The following USP32 variants were observed in gnomAD, a reference collection of about 807,000 sequenced individuals.
USP32 encodes ubiquitin specific peptidase 32.
In USP32, 59 loss-of-function variants were observed where a neutral mutation model predicts 204.8. The observed-to-expected ratio is 0.29, with a 90% CI of 0.23 to 0.36. USP32 has a LOEUF of 0.36. Ranked by LOEUF, USP32 falls within the 10% of genes least tolerant of loss-of-function variation. USP32 has a pLI of 1.00. For synonymous variants in USP32, 517 were observed against 678.4 expected, an observed-to-expected ratio of 0.76 and a Z score of 3.70; for missense variants, 1,160 against 1,946.4, an observed-to-expected ratio of 0.60 and a Z score of 7.60.
At chr17:60,335,965 A>G (rs2088506768) in intron 2 of USP32, among the ~76,000 whole-genome samples, 1 of 143,128 alleles carries the variant, frequency 7.0e-6, no homozygotes, top group African/African-American at 3.0e-5. Flanking sequence ...TTTCTCATAA[A>G]GACTCACTTG....
intron 1 of USP32, among the ~76,000 whole-genome samples, chr17:60,418,186 G>A (rs57552871): frequency 0.021 from 3,214 of 151,968 alleles, 132 homozygotes; most frequent in African/African-American, 0.073. Context: ...TCAAACTCCC[G>A]ACCTCAGGTG....
chr17:60,377,466 CTAGGCCCT>C (rs1168329597), intron 1 of USP32, among the ~76,000 whole-genome samples: 1 of 152,144 alleles, frequency 6.6e-6, no homozygotes, highest in East Asian at 1.9e-4. Flanking sequence ...CAAATAAACC[CTAGGCCCT>C]TACAGCAATT....
At chr17:60,417,958 CT>C (rs770082982) in intron 1 of USP32, among the ~76,000 whole-genome samples, 1,488 of 112,740 alleles carry the variant, frequency 0.013, 11 homozygotes, top group Non-Finnish European at 0.017. Context: ...TCCGGCTAAT[CT>C]TTTTTTTTTT....
intron 1 of USP32, among the ~76,000 whole-genome samples, chr17:60,362,040 G>A (rs1218306054): frequency 6.6e-6 from 1 of 152,126 alleles, no homozygotes; most frequent in Non-Finnish European, 1.5e-5. Flanking sequence ...GGTTAGTACA[G>A]ACTGTAGAAT....
In USP32 at chr17:60,177,498, C is replaced by T. The variant is rs1270628462; in HGVS notation, c.*1757G>A. ...ATGAATTAAAAAAATTAATTACAAC[C>T]AGTATAACAAACACAGATCAAACAA... On this transcript the variant is annotated 3_prime_UTR_variant, in exon 34 of 34. Coordinates refer to ENST00000300896, the MANE Select transcript of USP32 (RefSeq NM_032582.4). 2.0e-5 allele frequency among the ~76,000 whole-genome samples: 3 copies of T among 152,106 alleles called. No individual in the cohort carries two copies. The highest frequency in any genetic ancestry group is 7.2e-5 in the African/African-American group (3 of 41,410).
At chr17:60,244,562 G>A (rs1284003935) in intron 11 of USP32, among the ~76,000 whole-genome samples, 1 of 152,012 alleles carries the variant, frequency 6.6e-6, no homozygotes, top group African/African-American at 2.4e-5. Flanking sequence ...AACTATTTTG[G>A]GGGATCATTT....
At chr17:60,356,202 C>T (rs577444556) in intron 1 of USP32, among the ~76,000 whole-genome samples, 2 of 152,240 alleles carry the variant, frequency 1.3e-5, no homozygotes, top group East Asian at 3.9e-4. Flanking sequence ...TCAGTGGCAA[C>T]TATATAACTT....
chr17:60,220,720 C>T (rs551712113), intron 15 of USP32, among the ~76,000 whole-genome samples: 3 of 151,942 alleles, frequency 2.0e-5, no homozygotes, highest in African/African-American at 4.8e-5. Flanking sequence ...CTCGGCTCAC[C>T]GCAAGCTCTG....
intron 2 of USP32, among the ~76,000 whole-genome samples, chr17:60,304,626 A>C (rs2087677056): frequency 6.6e-6 from 1 of 152,238 alleles, no homozygotes; most frequent in African/African-American, 2.4e-5. Flanking sequence ...AAAGTAAAAC[A>C]CGTAACAATA....
intron 1 of USP32, among the ~76,000 whole-genome samples, chr17:60,373,259 C>T (rs928163977): frequency 1.1e-4 from 16 of 152,032 alleles, no homozygotes; most frequent in Non-Finnish European, 1.8e-4. Context: ...ATGAATAGAG[C>T]TTGCAGGATG....
intron 1 of USP32, among the ~76,000 whole-genome samples, chr17:60,373,246 AC>A (rs1164555703): frequency 6.6e-6 from 1 of 152,128 alleles, no homozygotes; most frequent in Non-Finnish European, 1.5e-5. Flanking sequence ...TAGGGCACTT[AC>A]CATGAATAGA....
intron 3 of USP32, among the ~76,000 whole-genome samples, chr17:60,299,189 C>T (rs1445402785): frequency 1.3e-5 from 2 of 152,186 alleles, no homozygotes; most frequent in Non-Finnish European, 2.9e-5. Context: ...AAAATATATA[C>T]TTTATATATG....
intron 5 of USP32, among the ~76,000 whole-genome samples, chr17:60,275,178 C>T (rs372855983): frequency 2.0e-5 from 3 of 152,090 alleles, no homozygotes; most frequent in Admixed American, 6.6e-5. Context: ...AAGTATTGGC[C>T]GGGCGCGGTG....
chr17:60,384,816 T>G (rs932408936), intron 1 of USP32, among the ~76,000 whole-genome samples: 1 of 149,338 alleles, frequency 6.7e-6, no homozygotes, highest in Admixed American at 6.7e-5. Context: ...ATCCCTAAAA[T>G]AAAGAGCCTG....
chr17:60,325,085 C>T (rs2088201663), intron 2 of USP32, among the ~76,000 whole-genome samples: 1 of 151,582 alleles, frequency 6.6e-6, no homozygotes, highest in Non-Finnish European at 1.5e-5. Flanking sequence ...AAAAATAAGG[C>T]AATTTTTAAA....
chr17:60,411,363 T>TAAATAAATAAA (rs1567900583), intron 1 of USP32, among the ~76,000 whole-genome samples: 4 of 121,920 alleles, frequency 3.3e-5, no homozygotes, highest in African/African-American at 1.3e-4. Context: ...AAATAAATAA[T>TAAATAAATAAA]TAGCCAGCCA....
At chr17:60,378,621 A>C (rs1460845656) in intron 1 of USP32, among the ~76,000 whole-genome samples, 1 of 152,174 alleles carries the variant, frequency 6.6e-6, no homozygotes, top group African/African-American at 2.4e-5. Flanking sequence ...AAAGAAATTA[A>C]ATTCTGCTAT....
At position 60,339,246 on chromosome 17, in the gene USP32, T is replaced by C. The variant is rs767279264; in HGVS notation, c.186+6235A>G. ...TAAAAATATTAAGTACACTAATCTA[T>C]CCTCAAAACAGTATGTCTAATGAGA... is the stretch of plus-strand genomic sequence containing the variant. On this transcript the variant is annotated intron_variant, in intron 2 of 33. Transcript: ENST00000300896. Among the ~76,000 whole-genome samples the C allele has an allele frequency of 2.0e-5, 3 of 151,962 alleles. No homozygotes were observed. In the East Asian group the frequency reaches 5.8e-4, roughly 29 times the overall value.
chr17:60,200,319 T>C (rs957831629), intron 26 of USP32, among the ~76,000 whole-genome samples: 2 of 152,168 alleles, frequency 1.3e-5, no homozygotes, highest in African/African-American at 4.8e-5. Context: ...TCCAGCACTT[T>C]GGGAGGCCAA....
Sources: gnomAD v4.1 joint callset for allele counts (sites outside exome capture counted in the v4.1 genomes callset) on GRCh38, gnomAD v4.1.1 for gene constraint, MANE v1.5 for transcripts, NCBI Gene and HGNC (gene_info 2026-07-23, HGNC 2026-07-21) for gene names.